The following SNX29 variants were observed in gnomAD, a reference collection of about 807,000 sequenced individuals.
The protein encoded by SNX29 is sorting nexin-29.
SNX29 carries 78 observed loss-of-function variants against 102.1 expected under a neutral mutation model. That is an observed-to-expected ratio of 0.76 (90% confidence interval 0.64 to 0.92). The LOEUF (loss-of-function observed/expected upper bound fraction) is 0.92. SNX29 is among the 40% of genes least tolerant of loss of function. The pLI, the probability that SNX29 is intolerant of heterozygous loss-of-function variation, is 0.00. For synonymous variants in SNX29, 580 were observed against 414.5 expected (o/e 1.40, Z -4.85); for missense variants, 1,280 against 1,061.7 (o/e 1.21, Z -2.86).
intron 13 of SNX29, among the ~76,000 whole-genome samples, chr16:12,156,817 C>T (rs1186191737): frequency 1.3e-5 from 2 of 152,188 alleles, no homozygotes; most frequent in African/African-American, 4.8e-5. Flanking sequence ...AGGGCATGGT[C>T]CCTCTGGGCA....
intron 20 of SNX29, chr16:12,557,558 C>T (rs1009762118): frequency 1.3e-5 from 2 of 152,156 alleles, no homozygotes; most frequent in African/African-American, 2.4e-5. Context: ...GACAGCATTT[C>T]ACTATGTTGG....
intron 18 of SNX29, among the ~76,000 whole-genome samples, chr16:12,421,895 C>A (rs2084886717): frequency 7.6e-6 from 1 of 131,814 alleles, no homozygotes; most frequent in African/African-American, 2.5e-5. Flanking sequence ...CACCAGCCGT[C>A]CATCACCATC....
chr16:12,140,162 C>T (rs922384460), intron 13 of SNX29, among the ~76,000 whole-genome samples: 5 of 152,092 alleles, frequency 3.3e-5, no homozygotes, highest in Admixed American at 2.6e-4. Flanking sequence ...GGGGGTATCA[C>T]GCATATCATG....
At chr16:12,280,119 C>CGGGT (rs946160827) in intron 15 of SNX29, among the ~76,000 whole-genome samples, 2 of 152,120 alleles carry the variant, frequency 1.3e-5, no homozygotes, top group Non-Finnish European at 2.9e-5. Context: ...ATTCGTGGGC[C>CGGGT]GGGTGGTTGG....
intron 15 of SNX29, among the ~76,000 whole-genome samples, chr16:12,279,450 A>C (rs972334017): frequency 1.3e-5 from 2 of 152,240 alleles, no homozygotes; most frequent in African/African-American, 4.8e-5. Flanking sequence ...GGGATGAGTC[A>C]AAAGCCAGGC....
intron 13 of SNX29, among the ~76,000 whole-genome samples, chr16:12,137,532 C>T (rs528295882): frequency 2.2e-4 from 33 of 152,320 alleles, no homozygotes; most frequent in Non-Finnish European, 4.3e-4. Flanking sequence ...CTGTACTGTA[C>T]ATCCTGGAAT....
chr16:12,191,949 A>G (rs931339360), intron 13 of SNX29, among the ~76,000 whole-genome samples: 7 of 152,216 alleles, frequency 4.6e-5, no homozygotes, highest in African/African-American at 1.7e-4. Flanking sequence ...GGTAGGCATG[A>G]GGTCCCCTCG....
At chr16:12,311,499 C>T (rs771849675) in intron 15 of SNX29, among the ~76,000 whole-genome samples, 1 of 152,242 alleles carries the variant, frequency 6.6e-6, no homozygotes, top group South Asian at 2.1e-4. Flanking sequence ...GGCCGCCTCC[C>T]ATTTCCTCCA....
chr16:12,193,737 A>C (rs544944468), intron 13 of SNX29, among the ~76,000 whole-genome samples: 1 of 152,124 alleles, frequency 6.6e-6, no homozygotes, highest in African/African-American at 2.4e-5. Context: ...TTCCAAAATC[A>C]TGTGTGGAAA....
At chr16:11,996,238 T>G (rs766450748) in intron 1 of SNX29, among the ~76,000 whole-genome samples, 1 of 151,460 alleles carries the variant, frequency 6.6e-6, no homozygotes, top group Non-Finnish European at 1.5e-5. Context: ...AAATAAATTA[T>G]CTGTGAGTGG....
chr16:12,453,570 G>A (rs2086401713), intron 18 of SNX29, among the ~76,000 whole-genome samples: 1 of 151,702 alleles, frequency 6.6e-6, no homozygotes, highest in African/African-American at 2.4e-5. Flanking sequence ...TTTAAGAAAT[G>A]GGGTCTCACT....
chr16:12,508,310 G>A (rs1006633568), intron 19 of SNX29, among the ~76,000 whole-genome samples: 4 of 152,224 alleles, frequency 2.6e-5, no homozygotes, highest in African/African-American at 9.6e-5. Context: ...GATTGTTTCT[G>A]TAGATAGGTG....
At chr16:12,439,435 TACAAAAGAGGTTGAATGGACTC>T (rs2085697834) in intron 18 of SNX29, among the ~76,000 whole-genome samples, 1 of 152,098 alleles carries the variant, frequency 6.6e-6, no homozygotes, top group South Asian at 2.1e-4. Flanking sequence ...CCGGGCAATT[TACAAAAGAGGTTGAATGGACTC>T]ACAGTTCCCA....
intron 18 of SNX29, among the ~76,000 whole-genome samples, chr16:12,445,369 A>G (rs2050292107): frequency 6.6e-6 from 1 of 152,092 alleles, no homozygotes; most frequent in East Asian, 1.9e-4. Context: ...GGGCTCCTGT[A>G]TGCTGAGCCG....
intron 6 of SNX29, among the ~76,000 whole-genome samples, chr16:12,046,913 C>T (rs997977662): frequency 6.6e-6 from 1 of 152,186 alleles, no homozygotes; most frequent in Non-Finnish European, 1.5e-5. Flanking sequence ...GCCACCGTGC[C>T]CGACCACAGT....
chr16:12,299,892 A>G (rs1338436409), intron 15 of SNX29, among the ~76,000 whole-genome samples: 2 of 149,576 alleles, frequency 1.3e-5, no homozygotes, highest in East Asian at 2.0e-4. Flanking sequence ...TTTCTTTGAG[A>G]TCGAGTCTTG....
At chr16:12,521,948 T>G (rs887610603) in intron 19 of SNX29, among the ~76,000 whole-genome samples, 1 of 152,182 alleles carries the variant, frequency 6.6e-6, no homozygotes, top group African/African-American at 2.4e-5. Context: ...GGAGTGGCTC[T>G]CAGCAGTGTT....
Position 12,445,139 on chromosome 16 carries a change from C to T in SNX29, c.2038-32580C>T, listed in dbSNP as rs1029880232. Among the ~76,000 whole-genome samples, 4 of 152,056 alleles carry T rather than the reference C, an allele frequency of 2.6e-5. No individual in the cohort carries two copies. The East Asian group carries it at 7.7e-4, about 29-fold the overall frequency. On this transcript the variant is annotated intron_variant, in intron 18 of 20. Coordinates refer to ENST00000566228, the MANE Select transcript of SNX29 (RefSeq NM_032167.5). The stretch of plus-strand genomic sequence containing the variant: ...GTGCTGGGATTATAGAAGTGAGCCA[C>T]TGTGCCTGGCTGACAGTTTTTTTTT...
chr16:12,100,322 C>G (rs773864716), intron 11 of SNX29, among the ~76,000 whole-genome samples: 1 of 152,164 alleles, frequency 6.6e-6, no homozygotes, highest in Non-Finnish European at 1.5e-5. Context: ...CCTCTACGCA[C>G]TAGTTGCTGG....
Sources: allele counts gnomAD v4.1 joint callset (sites outside exome capture counted in the v4.1 genomes callset), GRCh38; gene constraint gnomAD v4.1.1; transcripts MANE v1.5; gene names NCBI Gene and HGNC (gene_info 2026-07-23, HGNC 2026-07-21).